CDK14: variants seen among roughly 807,000 people sequenced by gnomAD.
CDK14 encodes the protein cyclin-dependent kinase 14.
A neutral mutation model predicts 60.7 loss-of-function variants in CDK14; 34 were observed. The observed-to-expected ratio is 0.56, with a 90% CI of 0.43 to 0.75. CDK14 has a LOEUF of 0.75. Among genes scored for constraint, CDK14 ranks in the 30% least tolerant of loss-of-function variants. CDK14 has a pLI of 0.00. For missense variants in CDK14, 482 were observed against 564.1 expected, an observed-to-expected ratio of 0.85 and a Z score of 1.47; for synonymous variants, 197 against 203.7, an observed-to-expected ratio of 0.97 and a Z score of 0.28.
chr7:90,918,231 G>A (rs1232839760), intron 8 of CDK14, among the ~76,000 whole-genome samples: 2 of 152,136 alleles, frequency 1.3e-5, no homozygotes, highest in African/African-American at 4.8e-5. Flanking sequence ...TTGCCCTGAG[G>A]CTTTAATAAC....
At chr7:90,851,500 G>T (rs1790644459) in intron 5 of CDK14, among the ~76,000 whole-genome samples, 1 of 152,126 alleles carries the variant, frequency 6.6e-6, no homozygotes, top group Non-Finnish European at 1.5e-5. Flanking sequence ...CTCAGGAGCT[G>T]CCTGTCTCTT....
At chr7:90,930,506 G>A (rs892523091) in intron 8 of CDK14, among the ~76,000 whole-genome samples, 3 of 146,762 alleles carry the variant, frequency 2.0e-5, no homozygotes, top group African/African-American at 7.7e-5. Flanking sequence ...TCTGTACTGT[G>A]CAGTGTTATA....
intron 9 of CDK14, among the ~76,000 whole-genome samples, chr7:90,975,482 A>G (rs1320516501): frequency 1.3e-5 from 2 of 151,650 alleles, no homozygotes; most frequent in African/African-American, 4.8e-5. Context: ...TTTGTGTTGG[A>G]AACATTCAAT....
chr7:91,059,252 C>T (rs1267928028), intron 11 of CDK14, among the ~76,000 whole-genome samples: 7 of 152,058 alleles, frequency 4.6e-5, no homozygotes, highest in Admixed American at 1.3e-4. Context: ...GTGGTGATAT[C>T]CCCTTTAACA....
At chr7:90,658,281 G>C (rs531032489) in intron 2 of CDK14, among the ~76,000 whole-genome samples, 2 of 152,286 alleles carry the variant, frequency 1.3e-5, no homozygotes, top group Admixed American at 6.5e-5. Context: ...TAGTCCTGGA[G>C]GCTGAAAGTT....
At chr7:91,184,236 G>T (rs1203762116) in intron 14 of CDK14, among the ~76,000 whole-genome samples, 1 of 53,702 alleles carries the variant, frequency 1.9e-5, no homozygotes, top group Non-Finnish European at 3.9e-5. Context: ...TTAGCTGATT[G>T]CGCCACCGCC....
At chr7:91,194,341 C>T (rs946111838) in intron 14 of CDK14, among the ~76,000 whole-genome samples, 1 of 152,120 alleles carries the variant, frequency 6.6e-6, no homozygotes, top group Non-Finnish European at 1.5e-5. Flanking sequence ...GGCTCATGCT[C>T]ATCATGCGTG....
intron 9 of CDK14, among the ~76,000 whole-genome samples, chr7:90,978,091 G>A (rs74950332): frequency 0.01 from 1,552 of 152,250 alleles, 26 homozygotes; most frequent in African/African-American, 0.034. Flanking sequence ...ATAGCAAAAA[G>A]CAATTAACCA....
rs1159632562 is a variant in CDK14 at position 90,706,107 on chromosome 7, T to C, written c.124-20460T>C. On this transcript the variant is annotated intron_variant, in intron 2 of 14. Coordinates refer to ENST00000380050, the MANE Select transcript of CDK14 (RefSeq NM_001287135.2). ...GATTGTTTTTACAAGCCTTTTTGTC[T>C]CTTCTCTTTGAAGCTATAATTTTTA... Among the ~76,000 whole-genome samples the C allele has an allele frequency of 2.6e-5, 4 of 152,200 alleles. No homozygotes were observed. In the East Asian group the frequency reaches 7.7e-4, roughly 29 times the overall value.
chr7:91,135,851 A>G (rs1800264554), intron 14 of CDK14, among the ~76,000 whole-genome samples: 1 of 152,118 alleles, frequency 6.6e-6, no homozygotes, highest in South Asian at 2.1e-4. Flanking sequence ...CTTTGTTCTT[A>G]CACAAAATAC....
chr7:90,890,744 A>T (rs954348406), intron 6 of CDK14, among the ~76,000 whole-genome samples: 1 of 152,210 alleles, frequency 6.6e-6, no homozygotes, highest in Non-Finnish European at 1.5e-5. Context: ...GCTGAATAAA[A>T]CAGAGGTTAT....
intron 1 of CDK14, among the ~76,000 whole-genome samples, chr7:90,602,882 C>T (rs1042621509): frequency 4.6e-5 from 7 of 152,152 alleles, no homozygotes; most frequent in African/African-American, 7.2e-5. Flanking sequence ...CTTAACTCAC[C>T]GCAATCACAT....
intron 6 of CDK14, among the ~76,000 whole-genome samples, chr7:90,896,167 G>A (rs148329386): frequency 0.014 from 2,183 of 151,554 alleles, 21 homozygotes; most frequent in Non-Finnish European, 0.022. Flanking sequence ...ACATTTAAAG[G>A]TCTAAATTTT....
intron 4 of CDK14, among the ~76,000 whole-genome samples, chr7:90,787,200 C>T (rs931232830): frequency 2.6e-5 from 4 of 152,082 alleles, no homozygotes; most frequent in Non-Finnish European, 4.4e-5. Context: ...ACCAATGAAG[C>T]AGTCGTAGAA....
At chr7:91,112,853 GGA>G (rs56973703) in intron 13 of CDK14, among the ~76,000 whole-genome samples, 172 bp downstream of exon 13, 68 of 148,130 alleles carry the variant, frequency 4.6e-4, no homozygotes, top group Non-Finnish European at 4.8e-4. Flanking sequence ...GTGTATGTGT[GGA>G]GAGAGAGAGA....
chr7:90,862,822 C>T (rs1467885922), intron 5 of CDK14, among the ~76,000 whole-genome samples: 1 of 151,998 alleles, frequency 6.6e-6, no homozygotes, highest in Non-Finnish European at 1.5e-5. Flanking sequence ...ATAATGAAAC[C>T]TAACTAGAGA....
At chr7:90,754,541 T>C (rs1803980712) in intron 4 of CDK14, among the ~76,000 whole-genome samples, 1 of 152,124 alleles carries the variant, frequency 6.6e-6, no homozygotes, top group South Asian at 2.1e-4. Flanking sequence ...GAAGAAAATT[T>C]AGGAAACATC....
At position 90,694,635 on chromosome 7, in the gene CDK14, A is replaced by G. The variant is rs74846029; in HGVS notation, c.124-31932A>G. On this transcript the variant is annotated intron_variant, in intron 2 of 14. Transcript: ENST00000380050. ...ATTGAATTTTCTTTTTGAATATTTT[A>G]CCATTCAATGTAGTATTAACATTTA... Among the ~76,000 whole-genome samples, 343 of 152,334 alleles carry G rather than the reference A, an allele frequency of 2.3e-3. 16 individuals carry two copies. In the East Asian group the frequency reaches 0.059, roughly 26 times the overall value.
rs199729119 is a variant in CDK14 at position 91,045,929 on chromosome 7, T to C, written c.1074T>C (p.Pro358=). The C allele has an allele frequency of 1.3e-5, 21 of 1,611,562 alleles. No individual in the cohort carries two copies. Among genetic ancestry groups the C allele is most frequent in the Non-Finnish European group, 1.7e-5 (20 of 1,177,744 alleles). ...GAACACCAAATGAGGACACATGGCC[T>C]GGAGTTCATTCTTTACCACATTTTA... ...VLGTPNEDTW[P]GVHSLPHFKP... Residue 358 remains proline, a synonymous_variant, in exon 11 of 15, where the codon CCT becomes CCC. Coordinates refer to ENST00000380050, the MANE Select transcript of CDK14 (RefSeq NM_001287135.2).
Sources: gnomAD v4.1 joint callset for allele counts (sites outside exome capture counted in the v4.1 genomes callset) on GRCh38, gnomAD v4.1.1 for gene constraint, MANE v1.5 for transcripts, NCBI Gene and HGNC (gene_info 2026-07-23, HGNC 2026-07-21) for gene names.